The following TRPC4 variants were observed in gnomAD, a reference collection of about 807,000 sequenced individuals.
The protein encoded by TRPC4 is transient receptor potential cation channel subfamily C member 4.
In TRPC4, 49 loss-of-function variants were observed where a neutral mutation model predicts 99.4. The observed-to-expected ratio is 0.49, with a 90% CI of 0.39 to 0.63. TRPC4 has a LOEUF of 0.63. Among genes scored for constraint, TRPC4 ranks in the 20% least tolerant of loss-of-function variants. The pLI, the probability that TRPC4 is intolerant of heterozygous loss-of-function variation, is 0.00. For missense variants in TRPC4, 898 were observed against 1,152.9 expected (o/e 0.78, Z 3.20); for synonymous variants, 454 against 425.9 (o/e 1.07, Z -0.81).
intron 3 of TRPC4, among the ~76,000 whole-genome samples, chr13:37,726,199 C>CA (rs772378939): frequency 0.093 from 13,817 of 148,188 alleles, 696 homozygotes; most frequent in Admixed American, 0.15. Flanking sequence ...CCGTCCCCCC[C>CA]CAAAAAAAAA....
At chr13:37,662,366 A>G (rs2138683564) in intron 6 of TRPC4, among the ~76,000 whole-genome samples, 1 of 152,274 alleles carries the variant, frequency 6.6e-6, no homozygotes, top group Admixed American at 6.5e-5. Flanking sequence ...TCTATTTCTG[A>G]AAAAAATGAG....
chr13:37,772,656 G>A (rs1456397077), intron 2 of TRPC4, among the ~76,000 whole-genome samples: 1 of 151,762 alleles, frequency 6.6e-6, no homozygotes, highest in African/African-American at 2.4e-5. Context: ...TAGTAAAGAA[G>A]AGGGACGTTT....
chr13:37,837,851 C>T (rs1389180616), intron 1 of TRPC4, among the ~76,000 whole-genome samples: 2 of 152,138 alleles, frequency 1.3e-5, no homozygotes, highest in African/African-American at 4.8e-5. Flanking sequence ...ACTCAAATCT[C>T]ATCTTGAATT....
At chr13:37,785,812 T>C (rs1487954775) in intron 1 of TRPC4, among the ~76,000 whole-genome samples, 1 of 152,074 alleles carries the variant, frequency 6.6e-6, no homozygotes, top group African/African-American at 2.4e-5. Context: ...TAGGGATTAG[T>C]GGACAAAACA....
At chr13:37,767,533 C>T (rs968264372) in intron 2 of TRPC4, among the ~76,000 whole-genome samples, 5 of 151,294 alleles carry the variant, frequency 3.3e-5, no homozygotes, top group South Asian at 2.1e-4. Context: ...CCCCGTACTC[C>T]ACTTAAAATA....
chr13:37,726,429 GTTATAACA>G (rs948147657), intron 3 of TRPC4, among the ~76,000 whole-genome samples: 8 of 152,114 alleles, frequency 5.3e-5, no homozygotes, highest in African/African-American at 1.9e-4. Context: ...AAATTAGAAA[GTTATAACA>G]TTAGAACATT....
intron 1 of TRPC4, among the ~76,000 whole-genome samples, chr13:37,832,969 C>G (rs1046577316): frequency 6.6e-6 from 1 of 152,102 alleles, no homozygotes; most frequent in African/African-American, 2.4e-5. Flanking sequence ...TTGTTTTCAG[C>G]AGTATCGAGT....
chr13:37,701,921 T>C (rs1954114703), intron 3 of TRPC4, among the ~76,000 whole-genome samples: 1 of 152,238 alleles, frequency 6.6e-6, no homozygotes, highest in Non-Finnish European at 1.5e-5. Context: ...CCATAAAAAG[T>C]ACCATAAATT....
chr13:37,706,313 T>G (rs1197350375), intron 3 of TRPC4, among the ~76,000 whole-genome samples: 1 of 152,142 alleles, frequency 6.6e-6, no homozygotes, highest in Non-Finnish European at 1.5e-5. Flanking sequence ...ACGCTTTATA[T>G]TCTTGTGCCT....
chr13:37,689,328 C>T (rs994279495), intron 4 of TRPC4, among the ~76,000 whole-genome samples: 1 of 152,186 alleles, frequency 6.6e-6, no homozygotes, highest in Admixed American at 6.5e-5. Flanking sequence ...AGCCCAACAA[C>T]ATAGCACACA....
intron 3 of TRPC4, among the ~76,000 whole-genome samples, chr13:37,729,942 A>C (rs753258577): frequency 6.6e-6 from 1 of 152,050 alleles, no homozygotes; most frequent in Non-Finnish European, 1.5e-5. Context: ...AATTAATGCC[A>C]CTCAACTACA....
intron 3 of TRPC4, among the ~76,000 whole-genome samples, chr13:37,739,007 C>A (rs537452203): frequency 6.6e-6 from 1 of 152,000 alleles, no homozygotes; most frequent in Non-Finnish European, 1.5e-5. Flanking sequence ...AAACAAAAAA[C>A]CTTTAGTAGT....
intron 2 of TRPC4, among the ~76,000 whole-genome samples, chr13:37,779,185 C>T (rs1432862135): frequency 1.1e-4 from 16 of 152,044 alleles, no homozygotes. Context: ...ACTTAGAAGA[C>T]ATCTAAGCTC....
At chr13:37,703,446 C>A (rs73186543) in intron 3 of TRPC4, among the ~76,000 whole-genome samples, 13,194 of 151,966 alleles carry the variant, frequency 0.087, 783 homozygotes, top group Middle Eastern at 0.19. Context: ...TGTAACTCAC[C>A]TTCTCCCTGA....
At chr13:37,770,887 C>T (rs1956534485) in intron 2 of TRPC4, among the ~76,000 whole-genome samples, 1 of 151,544 alleles carries the variant, frequency 6.6e-6, no homozygotes, top group Admixed American at 6.6e-5. Flanking sequence ...CCCCAAACCA[C>T]GAAATAGTTT....
intron 2 of TRPC4, among the ~76,000 whole-genome samples, chr13:37,761,151 A>C (rs1355098930): frequency 6.6e-6 from 1 of 151,982 alleles, no homozygotes; most frequent in African/African-American, 2.4e-5. Context: ...TTGGAGTCTA[A>C]TGATGATAAC....
At chr13:37,777,689 G>C (rs917832303) in intron 2 of TRPC4, among the ~76,000 whole-genome samples, 6 of 151,944 alleles carry the variant, frequency 3.9e-5, no homozygotes, top group Non-Finnish European at 7.4e-5. Flanking sequence ...TCAATAGGAA[G>C]ACAGAGATAA....
At position 37,745,450 on chromosome 13, in the gene TRPC4, A is replaced by ATATATATATATACG. The variant is rs1555265668; in HGVS notation, c.897+486_897+487insCGTATATATATATA. On this transcript the variant is annotated intron_variant, in intron 3 of 10. Transcript: ENST00000379705. ...TATATATATGCGTATATATATATAT[A>ATATATATATATACG]TATATATATATATATATATATATAC... is the stretch of plus-strand genomic sequence containing the variant. Among the ~76,000 whole-genome samples, 4 of 2,972 alleles carry ATATATATATATACG rather than the reference A, an allele frequency of 1.3e-3. No individual in the cohort carries two copies. The East Asian group carries it at 0.026, about 19-fold the overall frequency. The allele number at this position is 2,972 out of a possible 152,430, so 1.9% of individuals were successfully genotyped here.
intron 3 of TRPC4, among the ~76,000 whole-genome samples, chr13:37,735,144 A>G (rs1955356699): frequency 6.6e-6 from 1 of 152,136 alleles, no homozygotes; most frequent in African/African-American, 2.4e-5. Context: ...GTTTCTAAAA[A>G]TTCAAACATA....
Sources: allele counts gnomAD v4.1 joint callset (sites outside exome capture counted in the v4.1 genomes callset), GRCh38; gene constraint gnomAD v4.1.1; transcripts MANE v1.5; gene names NCBI Gene and HGNC (gene_info 2026-07-23, HGNC 2026-07-21).